The following KMT2A variants were observed in gnomAD, a reference collection of about 807,000 sequenced individuals.
KMT2A encodes histone-lysine N-methyltransferase 2A.
A neutral mutation model predicts 345.3 loss-of-function variants in KMT2A; 16 were observed. The ratio of observed to expected loss-of-function variants is 0.05; its 90% CI spans 0.03 to 0.07. The LOEUF (loss-of-function observed/expected upper bound fraction) is 0.07, where lower values mean the gene tolerates loss of function less well. Among genes scored for constraint, KMT2A ranks in the 10% least tolerant of loss-of-function variants. The pLI is 1.00. For synonymous variants in KMT2A, 1,599 were observed against 1,778.6 expected, an observed-to-expected ratio of 0.90 and a Z score of 2.54; for missense variants, 3,272 against 4,841.6, an observed-to-expected ratio of 0.68 and a Z score of 9.62.
chr11:118,500,983 C>T lies in KMT2A; in HGVS notation c.6159-4C>T, dbSNP rs1555045435. 8 of 1,604,020 alleles carry T rather than the reference C, an allele frequency of 5.0e-6. No homozygotes were observed. The highest frequency in any genetic ancestry group is 6.0e-6 in the Non-Finnish European group (7 of 1,172,148). ...TGATGATTTTCCCAAATCTGTTTAC[C>T]CAGGTGTTCCAGGGTATACTGGAGC... On this transcript the variant is annotated splice_region_variant and splice_polypyrimidine_tract_variant and intron_variant, in intron 24 of 35. Transcript: ENST00000534358.
At chr11:118,489,929 G>A (rs782456481) in intron 12 of KMT2A, 42 bp downstream of exon 12, 10 of 1,547,466 alleles carry the variant, frequency 6.5e-6, no homozygotes, top group Non-Finnish European at 8.9e-6. Flanking sequence ...GAACCACCAT[G>A]TGACTATTGG....
At position 118,472,486 on chromosome 11, in the gene KMT2A, T is replaced by A; in HGVS notation, c.1327T>A (p.Leu443Ile). The A allele has an allele frequency of 6.2e-7, 1 of 1,613,268 alleles. No homozygotes were observed. Among genetic ancestry groups the A allele is most frequent in the Non-Finnish European group, 8.5e-7 (1 of 1,179,824 alleles). Reference sequence around the variant, plus strand: ...TGACCCTCCAATTAAAATTGCCCGATTAGAGTCTACACCGAATAGTAGATT... The same window carrying A: ...TGACCCTCCAATTAAAATTGCCCGAATAGAGTCTACACCGAATAGTAGATT... ...DYDPPIKIAR[L>I]ESTPNSRFSA... The change falls in exon 3 of 36, where the codon TTA becomes ATA. Residue 443 changes from leucine to isoleucine, a missense_variant. Leu to Ile is a conservative substitution (Grantham distance 5, BLOSUM62 2). Around this residue, in one of 27 missense-constraint regions of KMT2A, gnomAD observed 180 missense variants for 190.7 expected, o/e 0.94. Transcript: ENST00000534358.
chr11:118,441,124 A>C (rs1555140018), intron 1 of KMT2A, among the ~76,000 whole-genome samples: 1 of 151,900 alleles, frequency 6.6e-6, no homozygotes, highest in Non-Finnish European at 1.5e-5. Flanking sequence ...AGAATTTCTT[A>C]TTCTGAGTTT....
chr11:118,464,230 A>G (rs566740957), intron 1 of KMT2A, among the ~76,000 whole-genome samples: 2 of 152,340 alleles, frequency 1.3e-5, no homozygotes, highest in East Asian at 3.9e-4. Context: ...CAGCTTACAC[A>G]ATTCTGACTG....
Position 118,503,706 on chromosome 11 carries a change from A to G in KMT2A, c.7814A>G (p.Asp2605Gly). The G allele has an allele frequency of 6.2e-7, 1 of 1,614,220 alleles. No homozygotes were observed. The highest frequency in any genetic ancestry group is 8.5e-7 in the Non-Finnish European group (1 of 1,180,040). ...PVQDRNLMLPDGPKPQEDGSF... is the reference protein window; with the variant it reads ...PVQDRNLMLPGGPKPQEDGSF... ...CAGGACAGAAACCTAATGCTTCCAG[A>G]TGGCCCCAAACCTCAGGAGGATGGC... Residue 2605 changes from aspartate (D) to glycine (G), a missense_variant, in exon 27 of 36, where the codon GAT becomes GGT. By Grantham distance (94) the Asp-to-Gly change is moderately conservative. Around this residue, in one of 27 missense-constraint regions of KMT2A, gnomAD observed 445 missense variants for 500.9 expected, o/e 0.89. Coordinates refer to ENST00000534358, the MANE Select transcript of KMT2A (RefSeq NM_001197104.2). The surrounding 1 kb of genome is among the most constrained non-coding windows in gnomAD (Gnocchi z 5.3).
At chr11:118,438,908 ACCT>A in intron 1 of KMT2A, 3 of 394,112 alleles carry the variant, frequency 7.6e-6, no homozygotes, top group Non-Finnish European at 1.5e-5. Context: ...CTCTATCTCC[ACCT>A]CCTTTTCCCA....
chr11:118,509,860 A>G (rs150286876), intron 29 of KMT2A, 88 bp from the exon 30 acceptor site: 77 of 949,616 alleles, frequency 8.1e-5, no homozygotes, highest in East Asian at 6.1e-4. Flanking sequence ...TGTTAGGCTT[A>G]GAGATCATTT....
At chr11:118,506,759 TG>T in intron 27 of KMT2A, 113 bp downstream of exon 27, 1 of 1,166,734 alleles carries the variant, frequency 8.6e-7, no homozygotes, top group South Asian at 1.6e-5. Context: ...TTGCATTACC[TG>T]GGAGTTTTCC....
chr11:118,439,744 T>C (rs1949275755), intron 1 of KMT2A, among the ~76,000 whole-genome samples: 1 of 152,222 alleles, frequency 6.6e-6, no homozygotes, highest in Non-Finnish European at 1.5e-5. Flanking sequence ...TGCTTCATTA[T>C]GAGAAGAGTG....
rs1950991879 is a variant in KMT2A at position 118,522,446 on chromosome 11, G to GC, written c.*275dup. The GC allele has an allele frequency of 7.0e-6, 3 of 426,774 alleles. No individual in the cohort carries two copies. Among genetic ancestry groups the GC allele is most frequent in the Non-Finnish European group, 1.3e-5 (3 of 232,684 alleles). 26.4% of individuals were successfully genotyped at this position (426,774 alleles called of 1,614,324 possible). The stretch of plus-strand genomic sequence containing the variant: ...TTAGAAAGTGGGAATGGGGTCCCTA[G>GC]CAGACTTGCCTGGAAGGAGCCTATT... On this transcript the variant is annotated 3_prime_UTR_variant, in exon 36 of 36. Coordinates refer to ENST00000534358, the MANE Select transcript of KMT2A (RefSeq NM_001197104.2). The surrounding 1 kb of genome is among the most constrained non-coding windows in gnomAD (Gnocchi z 5.4).
At chr11:118,462,296 T>G (rs1949759737) in intron 1 of KMT2A, among the ~76,000 whole-genome samples, 1 of 152,156 alleles carries the variant, frequency 6.6e-6, no homozygotes, top group South Asian at 2.1e-4. Flanking sequence ...CTTTCTCAAC[T>G]TGGCTTTACT....
chr11:118,502,673 C>A lies in KMT2A; in HGVS notation c.6781C>A (p.Gln2261Lys). The A allele has an allele frequency of 6.2e-7, 1 of 1,614,104 alleles. No homozygotes were observed. Among genetic ancestry groups the A allele is most frequent in the South Asian group, 1.1e-5 (1 of 91,082 alleles). The part of the protein sequence containing the change: ...GPLNSSTSLG[Q>K]NTSTSSNLQR... The stretch of plus-strand genomic sequence containing the variant: ...ACTGAATTCAAGTACTAGTTTAGGG[C>A]AAAACACTTCCACCTCTTCAAATTT... Residue 2261 changes from glutamine (Q) to lysine (K), a missense_variant, in exon 27 of 36, where the codon CAA becomes AAA. Coordinates refer to ENST00000534358, the MANE Select transcript of KMT2A (RefSeq NM_001197104.2). This position sits in a 1 kb window ranked among gnomAD's most constrained non-coding sequence, Gnocchi z 4.9.
At chr11:118,487,432 T>A (rs1950249456) in intron 10 of KMT2A, among the ~76,000 whole-genome samples, 1 of 152,200 alleles carries the variant, frequency 6.6e-6, no homozygotes, top group African/African-American at 2.4e-5. Context: ...GCGAATTTTT[T>A]AAACTTTTTA....
chr11:118,438,309 A>G (rs1441669521), intron 1 of KMT2A, among the ~76,000 whole-genome samples: 2 of 152,182 alleles, frequency 1.3e-5, no homozygotes, highest in South Asian at 2.1e-4. Flanking sequence ...AGTTGCTTCT[A>G]TAAACATTAT....
At chr11:118,481,401 T>G (rs1950130111) in intron 6 of KMT2A, among the ~76,000 whole-genome samples, 2 of 152,226 alleles carry the variant, frequency 1.3e-5, no homozygotes, top group South Asian at 4.1e-4. Context: ...GTCCTCTAGT[T>G]CCATCCATGT....
rs1555138483 is a variant in KMT2A, at chr11:118,436,572, C to T, written c.60C>T (p.Gly20=). 8.4e-7 allele frequency: 1 copy of T among 1,188,664 alleles called. No homozygotes were observed. 73.6% of individuals were successfully genotyped at this position (1,188,664 alleles called of 1,614,324 possible). ...GACCCGGGACCACCGGGGGCGGCGG[C>T]GGCGGGGGGCGCCGGGGCCTAGGGG... ...PARPGTTGGG[G]GGGRRGLGGA... The change falls in exon 1 of 36, where the codon GGC becomes GGT. Residue 20 remains glycine, a synonymous_variant. Coordinates refer to ENST00000534358, the MANE Select transcript of KMT2A (RefSeq NM_001197104.2). This position sits in a 1 kb window ranked among gnomAD's most constrained non-coding sequence, Gnocchi z 6.9.
chr11:118,450,627 A>G (rs1476722849), intron 1 of KMT2A: 1 of 152,178 alleles, frequency 6.6e-6, no homozygotes, highest in Non-Finnish European at 1.5e-5. Context: ...AGCGCTCTTT[A>G]ATCCCAAGTG....
chr11:118,478,189 A>G lies in KMT2A; in HGVS notation c.3557A>G (p.Lys1186Arg). The G allele has an allele frequency of 6.2e-7, 1 of 1,613,258 alleles. No individual in the cohort carries two copies. Among genetic ancestry groups the G allele is most frequent in the Admixed American group, 1.7e-5 (1 of 59,966 alleles). The change falls in exon 5 of 36, where the codon AAG becomes AGG. Residue 1186 changes from lysine (K) to arginine (R), a missense_variant. This residue lies in a region of KMT2A where 26 missense variants were observed against 90.5 expected (regional missense o/e 0.29). Transcript: ENST00000534358. The part of the protein sequence containing the change: ...KPKFGGRNIK[K>R]QCCKMRKCQN... Reference sequence around the variant, plus strand: ...AAGTTTGGTGGTCGCAATATAAAGAAGCAGTGCTGCAAGTAAGTGGGTGTT... The same window carrying G: ...AAGTTTGGTGGTCGCAATATAAAGAGGCAGTGCTGCAAGTAAGTGGGTGTT...
intron 30 of KMT2A, among the ~76,000 whole-genome samples, chr11:118,511,193 T>C (rs566704051): frequency 6.6e-6 from 1 of 151,942 alleles, no homozygotes; most frequent in South Asian, 2.1e-4. Flanking sequence ...AAGACGAGAG[T>C]TTACTAATGA....
Sources: gnomAD v4.1 joint callset for allele counts (sites outside exome capture counted in the v4.1 genomes callset) on GRCh38, gnomAD v4.1.1 for gene constraint, gnomAD v4.1.1 regional missense constraint, Gnocchi (gnomAD v3.1) non-coding constraint, MANE v1.5 for transcripts, NCBI Gene and HGNC (gene_info 2026-07-23, HGNC 2026-07-21) for gene names.